NLRP4: variants seen among roughly 807,000 people sequenced by gnomAD.
NLRP4 encodes NACHT, LRR and PYD domains-containing protein 4.
NLRP4 carries 44 observed loss-of-function variants against 84.7 expected under a neutral mutation model. The ratio of observed to expected loss-of-function variants is 0.52; its 90% CI spans 0.41 to 0.67. NLRP4 has a LOEUF of 0.67. NLRP4 is among the 30% of genes least tolerant of loss of function. The pLI is 0.00. For missense variants in NLRP4, 1,260 were observed against 1,219.4 expected (o/e 1.03, Z -0.50); for synonymous variants, 544 against 476.4 (o/e 1.14, Z -1.85).
Position 55,858,815 on chromosome 19 carries a change from C to G in NLRP4, c.1422C>G (p.His474Gln), listed in dbSNP as rs1043865709. 4 of 1,613,920 alleles carry G rather than the reference C, an allele frequency of 2.5e-6. No homozygotes were observed. In the African/African-American group the frequency reaches 5.3e-5, roughly 22 times the overall value. Residue 474 changes from histidine to glutamine, a missense_variant, in exon 3 of 10, where the codon CAC (histidine) becomes CAG (glutamine). By Grantham distance (24) the His-to-Gln change is conservative. Coordinates refer to ENST00000301295, the MANE Select transcript of NLRP4 (RefSeq NM_134444.5). The surrounding 1 kb of genome is among the most constrained non-coding windows in gnomAD (Gnocchi z 4.2). The part of the protein sequence containing the change: ...YLLKSHLDHP[H>Q]PAVRCVQELL... The stretch of plus-strand genomic sequence containing the variant: ...TCAAGAGCCACCTTGATCATCCTCA[C>G]CCAGCTGTGAGATGTGTACAGGAAT...
chr19:55,840,157 A>G (rs1278767085), intron 1 of NLRP4, among the ~76,000 whole-genome samples: 3 of 152,200 alleles, frequency 2.0e-5, no homozygotes, highest in Non-Finnish European at 4.4e-5. Context: ...TATTGAATGA[A>G]AAGGTCTGTG....
In NLRP4 at chr19:55,859,174, A is replaced by G; in HGVS notation, c.1781A>G (p.Lys594Arg). Residue 594 changes from lysine to arginine, a missense_variant, in exon 3 of 10, where the codon AAA (lysine) becomes AGA (arginine). By Grantham distance (26) the Lys-to-Arg change is conservative (BLOSUM62 2). Coordinates refer to ENST00000301295, the MANE Select transcript of NLRP4 (RefSeq NM_134444.5). ...TTGGTGGTTTCTGCCTACTGCTTAA[A>G]ATACTGCTCCAGCTTGAGGAAACTC... ...VDLVVSAYCL[K>R]YCSSLRKLCF... 2 of 1,613,128 alleles carry G rather than the reference A, an allele frequency of 1.2e-6. No individual in the cohort carries two copies. The highest frequency in any genetic ancestry group is 1.7e-6 in the Non-Finnish European group (2 of 1,179,098).
In NLRP4 at chr19:55,857,865, G is replaced by A; in HGVS notation, c.472G>A (p.Gly158Arg). The change falls in exon 3 of 10, where the codon GGA (glycine) becomes AGA (arginine). Residue 158 changes from glycine (G) to arginine (R), a missense_variant. Gly to Arg is a moderately radical substitution (Grantham distance 125). Around this residue, in one of 3 missense-constraint regions of NLRP4, gnomAD observed 712 missense variants for 669.2 expected, o/e 1.06. Coordinates refer to ENST00000301295, the MANE Select transcript of NLRP4 (RefSeq NM_134444.5). Reference protein sequence around the residue: ...PRTVIIQGPQGIGKTTLLMKL... With the variant: ...PRTVIIQGPQRIGKTTLLMKL... Reference sequence around the variant, plus strand: ...TACAGTGATCATTCAAGGACCACAAGGAATTGGAAAAACGACACTCCTGAT... The same window carrying A: ...TACAGTGATCATTCAAGGACCACAAAGAATTGGAAAAACGACACTCCTGAT... 1 of 1,614,104 alleles carries A rather than the reference G, an allele frequency of 6.2e-7. No homozygotes were observed. The highest frequency in any genetic ancestry group is 8.5e-7 in the Non-Finnish European group (1 of 1,179,978).
intron 2 of NLRP4, chr19:55,857,333 G>GTGTGTGTA (rs2123031018): frequency 2.8e-6 from 1 of 360,226 alleles, no homozygotes; most frequent in African/African-American, 2.1e-5. Flanking sequence ...GAATGTGTGT[G>GTGTGTGTA]TGTGTGTGTG....
In NLRP4 at chr19:55,849,834, CTG is replaced by C. The variant is rs1568657858; in HGVS notation, c.-65-2181_-65-2180del. Among the ~76,000 whole-genome samples, 464 of 150,250 alleles carry C rather than the reference CTG, an allele frequency of 3.1e-3. 3 individuals carry two copies. Among genetic ancestry groups the C allele is most frequent in the African/African-American group, 4.4e-3 (178 of 40,506 alleles). On this transcript the variant is annotated intron_variant, in intron 1 of 9. Coordinates refer to ENST00000301295, the MANE Select transcript of NLRP4 (RefSeq NM_134444.5). The stretch of plus-strand genomic sequence containing the variant: ...CAAAGCTGCGGTGTAATTTCCGAAG[CTG>C]CGGTGTAATTTCCGAGACTGCGGTG...
intron 1 of NLRP4, among the ~76,000 whole-genome samples, chr19:55,838,288 G>A (rs1403372580): frequency 6.6e-6 from 1 of 151,592 alleles, no homozygotes; most frequent in Non-Finnish European, 1.5e-5. Context: ...GGCAACAAGA[G>A]TGAAACTCCA....
At chr19:55,868,788 G>A (rs1365655574) in intron 6 of NLRP4, among the ~76,000 whole-genome samples, 1 of 152,172 alleles carries the variant, frequency 6.6e-6, no homozygotes, top group African/African-American at 2.4e-5. Flanking sequence ...TAGGCTGCCT[G>A]TGAGAAATAG....
rs898331057 is a variant in NLRP4 at position 55,859,312 on chromosome 19, T to C, written c.1856+63T>C. ...TCTGTCTGTATTCCCAAGTGGGTTT[T>C]GCTGAGGGAGTGTTTAATATAGGAT... On this transcript the variant is annotated intron_variant, in intron 3 of 9. Transcript: ENST00000301295. 11 of 1,362,938 alleles carry C rather than the reference T, an allele frequency of 8.1e-6. No homozygotes were observed. The Admixed American group carries it at 1.3e-4, about 16-fold the overall frequency. 84.4% of individuals were successfully genotyped at this position (1,362,938 alleles called of 1,614,324 possible).
At chr19:55,876,236 C>G (rs7245535) in intron 7 of NLRP4, among the ~76,000 whole-genome samples, 2 of 151,962 alleles carry the variant, frequency 1.3e-5, no homozygotes, top group African/African-American at 4.8e-5. Flanking sequence ...GGATAGACCT[C>G]CAACAAACGA....
At chr19:55,849,790 A>AAAACTGCGGTGTAATTTCCG (rs1568657767) in intron 1 of NLRP4, among the ~76,000 whole-genome samples, 20 of 133,436 alleles carry the variant, frequency 1.5e-4, no homozygotes, top group African/African-American at 6.4e-4. Context: ...TGTAATTTCC[A>AAAACTGCGGTGTAATTTCCG]AAGCTGCGGT....
intron 1 of NLRP4, among the ~76,000 whole-genome samples, chr19:55,844,599 C>T (rs928983692): frequency 3.3e-5 from 5 of 152,210 alleles, no homozygotes; most frequent in Admixed American, 1.3e-4. Flanking sequence ...TCAATAAGGT[C>T]ACCAATTATA....
At chr19:55,864,713 T>A (rs1311367781) in intron 5 of NLRP4, among the ~76,000 whole-genome samples, 1 of 147,388 alleles carries the variant, frequency 6.8e-6, no homozygotes, top group African/African-American at 2.4e-5. Context: ...CATCTTTGCT[T>A]ATTTTTTACT....
rs200218826 is a variant in NLRP4, at chr19:55,870,820, C to A, written c.2355-7C>A. On this transcript the variant is annotated splice_region_variant and splice_polypyrimidine_tract_variant and intron_variant, in intron 6 of 9. Coordinates refer to ENST00000301295, the MANE Select transcript of NLRP4 (RefSeq NM_134444.5). ...TCACTCTCCTTCTCGTGTTTTTGTC[C>A]CCATAGGTTGGCTTTCTGCCACCTC... is the stretch of plus-strand genomic sequence containing the variant. 678 of 1,610,790 alleles carry A rather than the reference C, an allele frequency of 4.2e-4. 4 individuals are homozygous for A. In the Middle Eastern group the frequency reaches 5.6e-3, roughly 13 times the overall value.
chr19:55,839,442 A>AGATGTTT (rs924692784), intron 1 of NLRP4, among the ~76,000 whole-genome samples: 2 of 150,986 alleles, frequency 1.3e-5, no homozygotes, highest in African/African-American at 4.9e-5. Flanking sequence ...TTGCTGATGA[A>AGATGTTT]GATGTTTGAG....
Position 55,853,909 on chromosome 19 carries a change from CTCTTTCTT to C in NLRP4, c.280+1553_280+1560del, listed in dbSNP as rs1163985562. 4.4e-4 allele frequency among the ~76,000 whole-genome samples: 54 copies of C among 123,250 alleles called. 4 individuals carry two copies. The highest frequency in any genetic ancestry group is 2.3e-3 in the African/African-American group (53 of 22,868). The allele number at this position is 123,250 out of a possible 152,430, so 80.9% of individuals were successfully genotyped here. ...TCTCTTTCTCTCTCTCTCTCTCTTT[CTCTTTCTT>C]TCTCTTTCTCTTTCTCTCTCTCTTT... On this transcript the variant is annotated intron_variant, in intron 2 of 9. Coordinates refer to ENST00000301295, the MANE Select transcript of NLRP4 (RefSeq NM_134444.5).
chr19:55,838,412 C>T (rs566667777), intron 1 of NLRP4, among the ~76,000 whole-genome samples: 1 of 152,028 alleles, frequency 6.6e-6, no homozygotes, highest in Non-Finnish European at 1.5e-5. Context: ...CAGCAAACCA[C>T]AGAAGCCAGT....
chr19:55,880,907 G>A lies in NLRP4; in HGVS notation c.2868-563G>A, dbSNP rs60786048. Among the ~76,000 whole-genome samples, 184 of 152,330 alleles carry A rather than the reference G, an allele frequency of 1.2e-3. 6 individuals are homozygous for A. The East Asian group carries it at 0.031, about 26-fold the overall frequency. ...TGTGAACATTTAATGAGATAGGCAT[G>A]TAAAAAGCCTTAGCAGAGGGCCAGG... On this transcript the variant is annotated intron_variant, in intron 9 of 9. Coordinates refer to ENST00000301295, the MANE Select transcript of NLRP4 (RefSeq NM_134444.5).
At chr19:55,847,162 GC>G (rs1983829942) in intron 1 of NLRP4, among the ~76,000 whole-genome samples, 1 of 151,914 alleles carries the variant, frequency 6.6e-6, no homozygotes, top group Non-Finnish European at 1.5e-5. Context: ...TGAGGGGGGG[GC>G]AGCAACATTC....
In NLRP4 at chr19:55,870,945, A is replaced by G; in HGVS notation, c.2473A>G (p.Lys825Glu). ...SANVLKDEGL[K>E]TLCEALKHPD... ...CAATGTCCTGAAGGACGAAGGACTG[A>G]AAACTCTCTGCGAGGCCTTGAAACA... The change falls in exon 7 of 10, where the codon AAA becomes GAA. Residue 825 changes from lysine (K) to glutamate (E), a missense_variant. This residue lies in a region of NLRP4 where 544 missense variants were observed against 531.7 expected (regional missense o/e 1.02). Transcript: ENST00000301295. 6.2e-7 allele frequency: 1 copy of G among 1,614,204 alleles called. No homozygotes were observed. Among genetic ancestry groups the G allele is most frequent in the Non-Finnish European group, 8.5e-7 (1 of 1,180,018 alleles).
Sources: gnomAD v4.1 joint callset for allele counts (sites outside exome capture counted in the v4.1 genomes callset) on GRCh38, gnomAD v4.1.1 for gene constraint, gnomAD v4.1.1 regional missense constraint, Gnocchi (gnomAD v3.1) non-coding constraint, MANE v1.5 for transcripts, NCBI Gene and HGNC (gene_info 2026-07-23, HGNC 2026-07-21) for gene names.